NR1D2: variants seen among roughly 807,000 people sequenced by gnomAD.
NR1D2 encodes the protein nuclear receptor subfamily 1 group D member 2.
Under a neutral mutation model 52.2 loss-of-function variants are expected in NR1D2, and 25 were observed. The ratio of observed to expected loss-of-function variants is 0.48; its 90% confidence interval spans 0.35 to 0.67. The LOEUF is 0.67. NR1D2 is among the 30% of genes least tolerant of loss of function. The pLI is 0.01. For synonymous variants in NR1D2, 259 were observed against 230.1 expected, an observed-to-expected ratio of 1.13 and a Z score of -1.14; for missense variants, 681 against 707.2, an observed-to-expected ratio of 0.96 and a Z score of 0.42.
At chr3:23,955,682 G>A (rs759543784) in intron 2 of NR1D2, among the ~76,000 whole-genome samples, 2 of 152,094 alleles carry the variant, frequency 1.3e-5, no homozygotes, top group African/African-American at 2.4e-5. Context: ...GCTGGGTGTG[G>A]TGGTGCATGC....
At chr3:23,964,337 A>G (rs1559335372) in intron 5 of NR1D2, among the ~76,000 whole-genome samples, 2 of 152,158 alleles carry the variant, frequency 1.3e-5, no homozygotes, top group Non-Finnish European at 2.9e-5. Context: ...TCGGTCTCCC[A>G]AAGTGCTGAG....
At chr3:23,967,727 T>A in intron 6 of NR1D2, 86 bp from the exon 7 acceptor site, 1 of 1,038,948 alleles carries the variant, frequency 9.6e-7, no homozygotes, top group South Asian at 1.6e-5. Context: ...TGTGGGATGA[T>A]TCATAACTGA....
intron 1 of NR1D2, among the ~76,000 whole-genome samples, chr3:23,951,184 C>T (rs925475436): frequency 6.6e-6 from 1 of 152,124 alleles, no homozygotes; most frequent in Non-Finnish European, 1.5e-5. Flanking sequence ...AGGTTACAGG[C>T]GTGAGCCACT....
At chr3:23,946,285 A>T in intron 1 of NR1D2, 1 of 985,408 alleles carries the variant, frequency 1.0e-6, no homozygotes, top group Non-Finnish European at 1.2e-6. Flanking sequence ...CGCGCAAACC[A>T]AACGAACCGG....
intron 1 of NR1D2, chr3:23,946,189 C>T (rs1361597473): frequency 3.0e-6 from 3 of 985,334 alleles, no homozygotes; most frequent in Admixed American, 6.1e-5. Flanking sequence ...GCCCCCGCGG[C>T]GGGGCGTCCC....
chr3:23,975,257 A>G (rs1235694494), intron 7 of NR1D2, among the ~76,000 whole-genome samples: 1 of 151,636 alleles, frequency 6.6e-6, no homozygotes, highest in East Asian at 1.9e-4. Flanking sequence ...AGCTGGGACT[A>G]CTGGCATGTG....
rs540627942 is a variant in NR1D2, at chr3:23,978,768, G to T, written c.*1349G>T. 6.7e-4 allele frequency: 102 copies of T among 152,142 alleles called. 1 individual carries two copies. The highest frequency in any genetic ancestry group is 3.4e-3 in the Middle Eastern group (1 of 294). The allele number at this position is 152,142 out of a possible 1,614,324, so 9.4% of individuals were successfully genotyped here. On this transcript the variant is annotated 3_prime_UTR_variant, in exon 8 of 8. Coordinates refer to ENST00000312521, the MANE Select transcript of NR1D2 (RefSeq NM_005126.5). ...TCCTAAATAACACTACAGGGATTTT[G>T]TCATATTAGATTTAATTTATAATTT...
chr3:23,970,685 A>G (rs1366282471), intron 7 of NR1D2, among the ~76,000 whole-genome samples: 1 of 152,234 alleles, frequency 6.6e-6, no homozygotes, highest in African/African-American at 2.4e-5. Flanking sequence ...CACTGTATGA[A>G]CATATACAAG....
chr3:23,954,741 GT>G lies in NR1D2; in HGVS notation c.223del (p.Ser75LeufsTer2). ...ATCTTGAAGAATGATCGAATAGATTGTTCTATGAAAACAAGCAAATCGAGTG... is the reference window on the plus strand; with the variant it reads ...ATCTTGAAGAATGATCGAATAGATTGTCTATGAAAACAAGCAAATCGAGTG... ...EGILKNDRID[C>X]SMKTSKSSAP... On this transcript the variant is annotated frameshift_variant, in exon 2 of 8. Transcript: ENST00000312521. LOFTEE classifies it high-confidence loss of function. 6.2e-7 allele frequency: 1 copy of G among 1,614,012 alleles called. No homozygotes were observed. Among genetic ancestry groups the G allele is most frequent in the Non-Finnish European group, 8.5e-7 (1 of 1,179,874 alleles).
chr3:23,967,756 T>C, intron 6 of NR1D2, 57 bp from the exon 7 acceptor site: 1 of 1,353,740 alleles, frequency 7.4e-7, no homozygotes, highest in South Asian at 1.3e-5. Flanking sequence ...AATACTAAGT[T>C]ATTTTTTTAT....
Position 23,978,063 on chromosome 3 carries a change from T to C in NR1D2, c.*644T>C, listed in dbSNP as rs1443761015. 6.6e-6 allele frequency: 1 copy of C among 152,200 alleles called. No homozygotes were observed. Among genetic ancestry groups the C allele is most frequent in the East Asian group, 1.9e-4 (1 of 5,198 alleles). 9.4% of individuals were successfully genotyped at this position (152,200 alleles called of 1,614,324 possible). On this transcript the variant is annotated 3_prime_UTR_variant, in exon 8 of 8. Transcript: ENST00000312521. The stretch of plus-strand genomic sequence containing the variant: ...TGTAAATAAGGTAAAATTTCTGTTA[T>C]TACAATTATTCATAATAATATTCTT...
intron 1 of NR1D2, among the ~76,000 whole-genome samples, chr3:23,948,180 G>C (rs1216706864): frequency 6.6e-6 from 1 of 151,782 alleles, no homozygotes. Flanking sequence ...GGTGGGGCCA[G>C]ATTCAGCGCT....
At chr3:23,952,310 G>A (rs1705955056) in intron 1 of NR1D2, among the ~76,000 whole-genome samples, 1 of 152,140 alleles carries the variant, frequency 6.6e-6, no homozygotes, top group South Asian at 2.1e-4. Flanking sequence ...CCTCATGATC[G>A]AGTCCAGGCA....
intron 3 of NR1D2, 84 bp from the exon 4 acceptor site, chr3:23,959,587 C>T (rs4321479): frequency 0.75 from 984,280 of 1,315,152 alleles, 370,936 homozygotes; most frequent in South Asian, 0.83. Context: ...TCGTCATATA[C>T]ACTAGATAGG....
intron 7 of NR1D2, among the ~76,000 whole-genome samples, chr3:23,971,673 G>A (rs1051980833): frequency 6.7e-6 from 1 of 148,860 alleles, no homozygotes; most frequent in Non-Finnish European, 1.5e-5. Flanking sequence ...TAATGGTTTT[G>A]TTGGTAATTT....
rs543748575 is a variant in NR1D2 at position 23,961,544 on chromosome 3, C to T, written c.518-433C>T. ...CAGAATAGCTGGGACTACAGGCGCC[C>T]GCCATCACACCTGGCTAGTTTTTGT... On this transcript the variant is annotated intron_variant, in intron 4 of 7. Transcript: ENST00000312521. Among the ~76,000 whole-genome samples the T allele has an allele frequency of 2.6e-5, 4 of 151,678 alleles. No homozygotes were observed. In the South Asian group the frequency reaches 6.2e-4, roughly 24 times the overall value.
At chr3:23,948,031 A>G (rs1157927455) in intron 1 of NR1D2, among the ~76,000 whole-genome samples, 1 of 151,950 alleles carries the variant, frequency 6.6e-6, no homozygotes, top group Non-Finnish European at 1.5e-5. Flanking sequence ...GCAGCAGAAT[A>G]GCTTGAACCT....
chr3:23,962,259 A>G lies in NR1D2; in HGVS notation c.800A>G (p.Tyr267Cys), dbSNP rs372692303. 4.1e-5 allele frequency: 66 copies of G among 1,614,132 alleles called. No individual in the cohort carries two copies. Among genetic ancestry groups the G allele is most frequent in the Non-Finnish European group, 5.4e-5 (64 of 1,180,058 alleles). Residue 267 changes from tyrosine (Y) to cysteine (C), a missense_variant, in exon 5 of 8, where the codon TAT (tyrosine) becomes TGT (cysteine). By Grantham distance (194) the Tyr-to-Cys change is radical. Around this residue, in one of 3 missense-constraint regions of NR1D2, gnomAD observed 475 missense variants for 454.5 expected, o/e 1.05. Transcript: ENST00000312521. ...AGAGCTCACAAGGATACCTTTATGTATAATCAAGAGCAGCAAGAAAACTCA... is the reference window on the plus strand; with the variant it reads ...AGAGCTCACAAGGATACCTTTATGTGTAATCAAGAGCAGCAAGAAAACTCA... ...VTRAHKDTFM[Y>C]NQEQQENSAE...
chr3:23,964,117 C>T (rs1431087568), intron 5 of NR1D2, among the ~76,000 whole-genome samples: 2 of 149,972 alleles, frequency 1.3e-5, no homozygotes, highest in Middle Eastern at 3.2e-3. Flanking sequence ...CTCACTCTGT[C>T]ACCCAGGCTG....
Sources: allele counts gnomAD v4.1 joint callset (sites outside exome capture counted in the v4.1 genomes callset), GRCh38; gene constraint gnomAD v4.1.1; regional missense constraint gnomAD v4.1.1; transcripts MANE v1.5; gene names NCBI Gene and HGNC (gene_info 2026-07-23, HGNC 2026-07-21).